Variants in TMEM64 observed in about 807,000 individuals in gnomAD.
TMEM64 encodes transmembrane protein 64.
In TMEM64, 19 loss-of-function variants were observed where a neutral mutation model predicts 24.5. The ratio of observed to expected loss-of-function variants is 0.78; its 90% CI spans 0.54 to 1.14. The LOEUF is 1.14. Among genes scored for constraint, TMEM64 ranks in the 50% most tolerant of loss-of-function variants. The pLI is 0.00. For missense variants in TMEM64, 487 were observed against 493.0 expected (o/e 0.99, Z 0.12); for synonymous variants, 262 against 224.7 (o/e 1.17, Z -1.49).
intron 1 of TMEM64, among the ~76,000 whole-genome samples, chr8:90,632,512 T>C (rs192935393): frequency 0.012 from 1,833 of 152,190 alleles, 31 homozygotes; most frequent in African/African-American, 0.041. Flanking sequence ...TTAGTAGAGA[T>C]GGGGTTTCAC....
rs1472166169 is a variant in TMEM64, at chr8:90,622,812, G to A, written c.*2859C>T. 1 of 152,178 alleles carries A rather than the reference G, an allele frequency of 6.6e-6. No homozygotes were observed. The highest frequency in any genetic ancestry group is 2.4e-5 in the African/African-American group (1 of 41,450). The allele number at this position is 152,178 out of a possible 1,614,324, so 9.4% of individuals were successfully genotyped here. A position where few individuals can be genotyped will look rare whatever the true frequency, so the allele number is the denominator to read the frequency against. Reference sequence around the variant, plus strand: ...AAGCATGTGTAGCTGGTTACAAAGTGCATCAAGGGAGAGAATGGCTGGCTC... The same window carrying A: ...AAGCATGTGTAGCTGGTTACAAAGTACATCAAGGGAGAGAATGGCTGGCTC... On this transcript the variant is annotated 3_prime_UTR_variant, in exon 3 of 3. Coordinates refer to ENST00000458549, the MANE Select transcript of TMEM64 (RefSeq NM_001008495.4).
intron 2 of TMEM64, among the ~76,000 whole-genome samples, chr8:90,626,700 G>A (rs1242429671): frequency 6.7e-6 from 1 of 148,150 alleles, no homozygotes; most frequent in Non-Finnish European, 1.5e-5. Context: ...GCACAATCTC[G>A]GCTCACTGCA....
chr8:90,625,659 A>T lies in TMEM64; in HGVS notation c.*12T>A, dbSNP rs770209715. The T allele has an allele frequency of 1.4e-5, 23 of 1,609,844 alleles. No individual in the cohort carries two copies. The highest frequency in any genetic ancestry group is 1.9e-5 in the Non-Finnish European group (22 of 1,177,214). The stretch of plus-strand genomic sequence containing the variant: ...CACACTAGGCTCTTGACAATCACGT[A>T]TCTCATTAGAATCATACAACATTGA... On this transcript the variant is annotated 3_prime_UTR_variant, in exon 3 of 3. Transcript: ENST00000458549.
At chr8:90,638,717 T>C (rs916762954) in intron 1 of TMEM64, among the ~76,000 whole-genome samples, 3 of 152,188 alleles carry the variant, frequency 2.0e-5, no homozygotes, top group South Asian at 4.1e-4. Context: ...TATGGAAACC[T>C]AGAATAGTTG....
intron 1 of TMEM64, among the ~76,000 whole-genome samples, chr8:90,640,051 T>C (rs545246121): frequency 6.6e-6 from 1 of 152,310 alleles, no homozygotes; most frequent in East Asian, 1.9e-4. Flanking sequence ...AAAGGTCAAC[T>C]GCATTCAGTG....
chr8:90,633,440 C>G (rs1809470169), intron 1 of TMEM64, among the ~76,000 whole-genome samples: 1 of 152,144 alleles, frequency 6.6e-6, no homozygotes, highest in African/African-American at 2.4e-5. Context: ...GCTAGTTGCA[C>G]AGGAATTCCT....
chr8:90,635,306 T>C (rs1341528707), intron 1 of TMEM64, among the ~76,000 whole-genome samples: 1 of 152,110 alleles, frequency 6.6e-6, no homozygotes, highest in African/African-American at 2.4e-5. Flanking sequence ...CAAAGATAGA[T>C]AGGATGAGGA....
At chr8:90,630,097 G>A (rs1387973358) in intron 2 of TMEM64, among the ~76,000 whole-genome samples, 1 of 152,144 alleles carries the variant, frequency 6.6e-6, no homozygotes, top group African/African-American at 2.4e-5. Context: ...TTTGCTTAGA[G>A]GAGTATAGTG....
chr8:90,629,903 G>T (rs191583759), intron 2 of TMEM64, among the ~76,000 whole-genome samples: 1 of 151,950 alleles, frequency 6.6e-6, no homozygotes, highest in Non-Finnish European at 1.5e-5. Flanking sequence ...CCTCATAAGC[G>T]CAAAGAAAAT....
At position 90,625,720 on chromosome 8, in the gene TMEM64, T is replaced by C. The variant is rs1292082560; in HGVS notation, c.1094A>G (p.Tyr365Cys). Residue 365 changes from tyrosine (Y) to cysteine (C), a missense_variant, in exon 3 of 3, where the codon TAC becomes TGC. Tyr to Cys is a radical substitution (Grantham distance 194). Transcript: ENST00000458549. ...NQPNTSGSSF[Y>C]NKRTLTFSGG... is the part of the protein sequence containing the mutation. ...AGAAAATGTTAGGGTCCTCTTGTTG[T>C]AGAATGAAGAGCCACTGGTATTTGG... 1 of 1,613,942 alleles carries C rather than the reference T, an allele frequency of 6.2e-7. No individual in the cohort carries two copies. The highest frequency in any genetic ancestry group is 8.5e-7 in the Non-Finnish European group (1 of 1,179,936).
At position 90,645,689 on chromosome 8, in the gene TMEM64, G is replaced by T; in HGVS notation, c.217C>A (p.His73Asn). The change falls in exon 1 of 3, where the codon CAC (histidine) becomes AAC (asparagine). Residue 73 changes from histidine to asparagine, a missense_variant. Around this residue, in one of 3 missense-constraint regions of TMEM64, gnomAD observed 419 missense variants for 407.5 expected, o/e 1.03. Coordinates refer to ENST00000458549, the MANE Select transcript of TMEM64 (RefSeq NM_001008495.4). This position sits in a 1 kb window ranked among gnomAD's most constrained non-coding sequence, Gnocchi z 4.2. ...AGCTCCGAAGCCTCGGGCGGACCGT[G>T]GCGCTCCAGATAGGCGCCGAGCAGG... ...GALLGAYLER[H>N]GPPEASELPE... is the part of the protein sequence containing the mutation. 6.8e-7 allele frequency: 1 copy of T among 1,474,142 alleles called. No individual in the cohort carries two copies. Among genetic ancestry groups the T allele is most frequent in the Non-Finnish European group, 8.9e-7 (1 of 1,121,554 alleles). The allele number at this position is 1,474,142 out of a possible 1,614,324, so 91.3% of individuals were successfully genotyped here.
intron 2 of TMEM64, among the ~76,000 whole-genome samples, chr8:90,630,403 G>C (rs10112242): frequency 0.5 from 76,329 of 151,954 alleles, 20,837 homozygotes; most frequent in East Asian, 0.73. Flanking sequence ...CCAATGGATA[G>C]AGAGGGCTGA....
At chr8:90,644,548 GAAAGAT>G (rs1809657761) in intron 1 of TMEM64, among the ~76,000 whole-genome samples, 1 of 152,164 alleles carries the variant, frequency 6.6e-6, no homozygotes, top group Admixed American at 6.5e-5. Context: ...TCCAAAGAAA[GAAAGAT>G]AAACAGTAGG....
At chr8:90,634,648 C>G (rs776700464) in intron 1 of TMEM64, among the ~76,000 whole-genome samples, 1 of 152,128 alleles carries the variant, frequency 6.6e-6, no homozygotes, top group Non-Finnish European at 1.5e-5. Flanking sequence ...TTCTTTTATA[C>G]CTCTTACTAA....
chr8:90,642,812 C>G (rs990338079), intron 1 of TMEM64, among the ~76,000 whole-genome samples: 2 of 152,142 alleles, frequency 1.3e-5, no homozygotes, highest in African/African-American at 4.8e-5. Flanking sequence ...GGGTTCAAAC[C>G]CTAGCTCAGC....
intron 2 of TMEM64, 38 bp downstream of exon 2, chr8:90,631,514 G>A (rs1586126998): frequency 1.4e-6 from 2 of 1,448,094 alleles, no homozygotes; most frequent in South Asian, 1.6e-5. Flanking sequence ...AAAAGAAACA[G>A]AGAGAAAAAA....
rs1165618092 is a variant in TMEM64, at chr8:90,623,310, A to G, written c.*2361T>C. On this transcript the variant is annotated 3_prime_UTR_variant, in exon 3 of 3. Coordinates refer to ENST00000458549, the MANE Select transcript of TMEM64 (RefSeq NM_001008495.4). ...TTTGGACAACATAAAAGTATCCTGT[A>G]GATATGTGTTGCTGCCATAAATCTG... 3 of 152,172 alleles carry G rather than the reference A, an allele frequency of 2.0e-5. No homozygotes were observed. Among genetic ancestry groups the G allele is most frequent in the Non-Finnish European group, 2.9e-5 (2 of 68,012 alleles). 9.4% of individuals were successfully genotyped at this position (152,172 alleles called of 1,614,324 possible). A position where few individuals can be genotyped will look rare whatever the true frequency, so the allele number is the denominator to read the frequency against.
chr8:90,645,716 C>A lies in TMEM64; in HGVS notation c.190G>T (p.Ala64Ser), dbSNP rs901412420. The part of the protein sequence containing the change: ...AAAAAAAASG[A>S]LLGAYLERHG... ...CGCTCCAGATAGGCGCCGAGCAGGG[C>A]GCCCGAGGCCGCCGCTGCTGCCGCC... is the stretch of plus-strand genomic sequence containing the variant. Residue 64 changes from alanine to serine, a missense_variant, in exon 1 of 3, where the codon GCC (alanine) becomes TCC (serine). Around this residue, in one of 3 missense-constraint regions of TMEM64, gnomAD observed 419 missense variants for 407.5 expected, o/e 1.03. Transcript: ENST00000458549. The surrounding 1 kb of genome is among the most constrained non-coding windows in gnomAD (Gnocchi z 4.2). 1 of 1,197,188 alleles carries A rather than the reference C, an allele frequency of 8.4e-7. No individual in the cohort carries two copies. The highest frequency in any genetic ancestry group is 1.0e-6 in the Non-Finnish European group (1 of 967,012). The allele number at this position is 1,197,188 out of a possible 1,614,324, so 74.2% of individuals were successfully genotyped here.
chr8:90,628,006 G>A (rs1809384632), intron 2 of TMEM64, among the ~76,000 whole-genome samples: 1 of 152,138 alleles, frequency 6.6e-6, no homozygotes. Flanking sequence ...AGGGTGAAAT[G>A]GTTACATCTT....
Sources: allele counts gnomAD v4.1 joint callset (sites outside exome capture counted in the v4.1 genomes callset), GRCh38; gene constraint gnomAD v4.1.1; regional missense constraint gnomAD v4.1.1; non-coding constraint Gnocchi (gnomAD v3.1); transcripts MANE v1.5; gene names NCBI Gene and HGNC (gene_info 2026-07-23, HGNC 2026-07-21).